Variants in KMT2D observed in about 807,000 individuals in gnomAD.
The protein encoded by KMT2D is histone-lysine N-methyltransferase 2D.
A neutral mutation model predicts 512.7 loss-of-function variants in KMT2D; 55 were observed. That is an observed-to-expected ratio of 0.11 (90% CI 0.09 to 0.13). KMT2D has a LOEUF of 0.13. Ranked by LOEUF, KMT2D falls within the 10% of genes least tolerant of loss-of-function variation. The pLI is 1.00. For missense variants in KMT2D, 6,061 were observed against 7,127.9 expected (o/e 0.85, Z 5.39); for synonymous variants, 2,995 against 2,904.0 (o/e 1.03, Z -1.01).
intron 48 of KMT2D, 120 bp downstream of exon 48, chr12:49,027,683 G>A: frequency 7.7e-7 from 1 of 1,291,822 alleles, no homozygotes; most frequent in South Asian, 1.4e-5. Flanking sequence ...TCAAACTCCT[G>A]GCCTAAAGTG....
At position 49,040,014 on chromosome 12, in the gene KMT2D, T is replaced by G; in HGVS notation, c.7756A>C (p.Asn2586His). The G allele has an allele frequency of 6.2e-7, 1 of 1,613,668 alleles. No individual in the cohort carries two copies. Among genetic ancestry groups the G allele is most frequent in the Non-Finnish European group, 8.5e-7 (1 of 1,179,742 alleles). Residue 2586 changes from asparagine (N) to histidine (H), a missense_variant, in exon 32 of 55, where the codon AAC (asparagine) becomes CAC (histidine). Physicochemically the swap from Asn to His is moderately conservative, Grantham distance 68. This residue lies in a region of KMT2D where 527 missense variants were observed against 578.9 expected (regional missense o/e 0.91). Coordinates refer to ENST00000301067, the MANE Select transcript of KMT2D (RefSeq NM_003482.4). ...AGGGGGCTGCCCGATGGGTGGAAGT[T>G]CCCTGTGGCTACTGTGTAGTTTGTG... is the stretch of plus-strand genomic sequence containing the variant. Reference protein sequence around the residue: ...QSTNYTVATGNFHPSGSPLGP... With the variant: ...QSTNYTVATGHFHPSGSPLGP...
chr12:49,047,748 T>C (rs997931823), intron 15 of KMT2D, among the ~76,000 whole-genome samples: 5 of 152,118 alleles, frequency 3.3e-5, no homozygotes, highest in African/African-American at 4.8e-5. Context: ...ATGGACTGAA[T>C]TATACCAGCA....
intron 10 of KMT2D, 44 bp downstream of exon 10, chr12:49,052,520 G>A: frequency 6.2e-7 from 1 of 1,603,174 alleles, no homozygotes; most frequent in Non-Finnish European, 8.5e-7. Flanking sequence ...TCTTGCCATA[G>A]AATAAAAGGG....
At position 49,048,164 on chromosome 12, in the gene KMT2D, A is replaced by C; in HGVS notation, c.4132-95T>G. 5.0e-6 allele frequency: 4 copies of C among 806,270 alleles called. No homozygotes were observed. In the South Asian group the frequency reaches 5.3e-5, roughly 11 times the overall value. 49.9% of individuals were successfully genotyped at this position (806,270 alleles called of 1,614,324 possible). The stretch of plus-strand genomic sequence containing the variant: ...GACGCTACAACACTGATTTGCGACC[A>C]GAGTCAGGAACCCCATCCCACAGCG... On this transcript the variant is annotated intron_variant, in intron 14 of 54. Coordinates refer to ENST00000301067, the MANE Select transcript of KMT2D (RefSeq NM_003482.4).
In KMT2D at chr12:49,037,299, G is replaced by C. The variant is rs2120476981; in HGVS notation, c.10057C>G (p.Gln3353Glu). ...TGCTGCCCACTTAGCATATGCCCTT[G>C]ATTGGACACCATAGCCATGGATGGA... ...LAPSMAMVSN[Q>E]GHMLSGQHGG... is the part of the protein sequence containing the mutation. Residue 3353 changes from glutamine to glutamate, a missense_variant, in exon 35 of 55, where the codon CAA becomes GAA. By Grantham distance (29) the Gln-to-Glu change is conservative. This residue lies in a region of KMT2D where 533 missense variants were observed against 539.6 expected (regional missense o/e 0.99). Coordinates refer to ENST00000301067, the MANE Select transcript of KMT2D (RefSeq NM_003482.4). 1 of 1,613,532 alleles carries C rather than the reference G, an allele frequency of 6.2e-7. No homozygotes were observed. The highest frequency in any genetic ancestry group is 1.3e-5 in the African/African-American group (1 of 75,072).
chr12:49,048,798 G>C (rs1326772142), intron 13 of KMT2D, 29 bp from the exon 14 acceptor site: 1 of 1,468,660 alleles, frequency 6.8e-7, no homozygotes, highest in African/African-American at 1.4e-5. Flanking sequence ...TGGAAAGTGA[G>C]GCAGATAAAT....
Position 49,026,709 on chromosome 12 carries a change from C to T in KMT2D, c.15257G>A (p.Arg5086Gln), listed in dbSNP as rs775506569. The T allele has an allele frequency of 1.9e-6, 3 of 1,613,868 alleles. No individual in the cohort carries two copies. Among genetic ancestry groups the T allele is most frequent in the Non-Finnish European group, 1.7e-6 (2 of 1,179,906 alleles). The change falls in exon 49 of 55, where the codon CGA (arginine) becomes CAA (glutamine). Residue 5086 changes from arginine (R) to glutamine (Q), a missense_variant. Arg to Gln is a conservative substitution (Grantham distance 43). Coordinates refer to ENST00000301067, the MANE Select transcript of KMT2D (RefSeq NM_003482.4). This position sits in a 1 kb window ranked among gnomAD's most constrained non-coding sequence, Gnocchi z 9.6. ...CAGGGAGCACTTGGTTAGCAGTCCT[C>T]GGTGCAGGGCAACCTCCACATTCAT... is the stretch of plus-strand genomic sequence containing the variant. ...ALMNVEVALH[R>Q]GLLTKCSLCQ...
chr12:49,019,852 A>G lies in KMT2D; in HGVS notation c.*1928T>C, dbSNP rs1481857800. 1.5e-5 allele frequency: 3 copies of G among 198,008 alleles called. No homozygotes were observed. Among genetic ancestry groups the G allele is most frequent in the Non-Finnish European group, 3.1e-5 (3 of 96,590 alleles). The allele number at this position is 198,008 out of a possible 1,614,324, so 12.3% of individuals were successfully genotyped here. On this transcript the variant is annotated 3_prime_UTR_variant, in exon 55 of 55. Coordinates refer to ENST00000301067, the MANE Select transcript of KMT2D (RefSeq NM_003482.4). ...ATCCACAACCCCCCAAATTCAAAAC[A>G]AAACAAAAACAAACCTAAAATCACA...
At chr12:49,043,526 C>A (rs751689541) in intron 24 of KMT2D, 98 bp from the exon 25 acceptor site, 19 of 1,589,118 alleles carry the variant, frequency 1.2e-5, no homozygotes, top group Non-Finnish European at 1.6e-5. Flanking sequence ...GACCCTTGAC[C>A]CCACCCTTGA....
At position 49,038,733 on chromosome 12, in the gene KMT2D, C is replaced by A. The variant is rs1943344198; in HGVS notation, c.8623G>T (p.Ala2875Ser). 1 of 1,608,442 alleles carries A rather than the reference C, an allele frequency of 6.2e-7. No individual in the cohort carries two copies. The highest frequency in any genetic ancestry group is 8.5e-7 in the Non-Finnish European group (1 of 1,177,700). ...GEPVPGPAGP[A>S]QFIELRHNVQ... ...TTGTGCCGCAGCTCAATGAACTGGG[C>A]AGGACCAGCTGGACCAGGCACTGGC... The change falls in exon 35 of 55, where the codon GCC becomes TCC. Residue 2875 changes from alanine to serine, a missense_variant. By Grantham distance (99) the Ala-to-Ser change is moderately conservative (BLOSUM62 1). Around this residue, in one of 16 missense-constraint regions of KMT2D, gnomAD observed 527 missense variants for 578.9 expected, o/e 0.91. Coordinates refer to ENST00000301067, the MANE Select transcript of KMT2D (RefSeq NM_003482.4). This position sits in a 1 kb window ranked among gnomAD's most constrained non-coding sequence, Gnocchi z 5.7.
intron 6 of KMT2D, 25 bp downstream of exon 6, chr12:49,053,953 A>G (rs993372731): frequency 1.9e-6 from 3 of 1,609,274 alleles, no homozygotes; most frequent in Non-Finnish European, 2.5e-6. Context: ...CATTTGCCCT[A>G]TGACCAAAGA....
chr12:49,042,124 T>A lies in KMT2D; in HGVS notation c.6074A>T (p.Asn2025Ile), dbSNP rs746933896. ...TTGCTTGAGATTAGGAAAATTAATG[T>A]TGGCATAGAGCACAGGTGAGATGGT... ...LSTISPVLYANINFPNLKQDY... is the reference protein window; with the variant it reads ...LSTISPVLYAIINFPNLKQDY... The change falls in exon 29 of 55, where the codon AAC becomes ATC. Residue 2025 changes from asparagine (N) to isoleucine (I), a missense_variant. By Grantham distance (149) the Asn-to-Ile change is moderately radical (BLOSUM62 -3). Around this residue, in one of 16 missense-constraint regions of KMT2D, gnomAD observed 640 missense variants for 814.3 expected, o/e 0.79. Transcript: ENST00000301067. This position sits in a 1 kb window ranked among gnomAD's most constrained non-coding sequence, Gnocchi z 4.4. The A allele has an allele frequency of 8.1e-6, 13 of 1,613,638 alleles. No homozygotes were observed. The highest frequency in any genetic ancestry group is 1.1e-5 in the Non-Finnish European group (13 of 1,179,784).
chr12:49,055,017 G>A lies in KMT2D; in HGVS notation c.59C>T (p.Pro20Leu), dbSNP rs963025174. The A allele has an allele frequency of 1.9e-6, 3 of 1,613,846 alleles. No individual in the cohort carries two copies. The Admixed American group carries it at 5.0e-5, about 27-fold the overall frequency. Residue 20 changes from proline to leucine, a missense_variant, in exon 3 of 55, where the codon CCT becomes CTT. By Grantham distance (98) the Pro-to-Leu change is moderately conservative. Around this residue, in one of 16 missense-constraint regions of KMT2D, gnomAD observed 144 missense variants for 165.7 expected, o/e 0.87. Coordinates refer to ENST00000301067, the MANE Select transcript of KMT2D (RefSeq NM_003482.4). The part of the protein sequence containing the change: ...DKDSEPAADG[P>L]AASEDPSATE... ...GGCACTTGGGTCCTCAGAAGCTGCA[G>A]GTCCATCAGCTGAATAAACAGACAA...
At position 49,022,455 on chromosome 12, in the gene KMT2D, G is replaced by C. The variant is rs991534764; in HGVS notation, c.16339-102C>G. ...GACTCAGGCAGTGGGGGCTTTTGTT[G>C]CATGTACTTCATTTCTCCTGCCTTT... is the stretch of plus-strand genomic sequence containing the variant. On this transcript the variant is annotated intron_variant, in intron 52 of 54. Coordinates refer to ENST00000301067, the MANE Select transcript of KMT2D (RefSeq NM_003482.4). The surrounding 1 kb of genome is among the most constrained non-coding windows in gnomAD (Gnocchi z 8.6). The C allele has an allele frequency of 2.7e-6, 4 of 1,487,524 alleles. No homozygotes were observed. The highest frequency in any genetic ancestry group is 1.7e-5 in the Admixed American group (1 of 58,134). 92.1% of individuals were successfully genotyped at this position (1,487,524 alleles called of 1,614,324 possible).
Position 49,040,163 on chromosome 12 carries a change from A to G in KMT2D, c.7607T>C (p.Phe2536Ser), listed in dbSNP as rs199628497. 294 of 1,613,732 alleles carry G rather than the reference A, an allele frequency of 1.8e-4. No individual in the cohort carries two copies. Among genetic ancestry groups the G allele is most frequent in the Non-Finnish European group, 7.0e-5 (83 of 1,179,832 alleles). The change falls in exon 32 of 55, where the codon TTC becomes TCC. Residue 2536 changes from phenylalanine (F) to serine (S), a missense_variant. This residue lies in a region of KMT2D where 710 missense variants were observed against 647.3 expected (regional missense o/e 1.10). Transcript: ENST00000301067. ...CTCCCCTACTGCCTGAGGGAAAGTG[A>G]AACGCATGGGAGAGGGGGTGCCCAC... The part of the protein sequence containing the change: ...AFVGTPSPMR[F>S]TFPQAVGEPS...
intron 19 of KMT2D, 97 bp downstream of exon 19, chr12:49,045,823 C>T: frequency 9.3e-7 from 1 of 1,070,744 alleles, no homozygotes; most frequent in Non-Finnish European, 1.4e-6. Context: ...GAGTTTCCTC[C>T]TCTTAAAATA....
At chr12:49,056,614 GT>G (rs1250408125) in intron 1 of KMT2D, among the ~76,000 whole-genome samples, 1 of 152,178 alleles carries the variant, frequency 6.6e-6, no homozygotes, top group Non-Finnish European at 1.5e-5. Flanking sequence ...TGGTGGTGAG[GT>G]GGGGGAAATC....
chr12:49,032,339 T>C lies in KMT2D; in HGVS notation c.12366A>G (p.Gly4122=), dbSNP rs1339721666. 2 of 1,613,690 alleles carry C rather than the reference T, an allele frequency of 1.2e-6. No homozygotes were observed. Among genetic ancestry groups the C allele is most frequent in the South Asian group, 1.1e-5 (1 of 91,072 alleles). Residue 4122 remains glycine, a synonymous_variant, in exon 40 of 55, where the codon GGA becomes GGG. Coordinates refer to ENST00000301067, the MANE Select transcript of KMT2D (RefSeq NM_003482.4). ...GCACAGATGAGGCCTCAGAAGATGA[T>C]CCACTGCCTAGCTGCCCATGGCTTC... ...GGGSHGQLGS[G]SSSEASSVPH... is the part of the protein sequence containing the mutation.
chr12:49,027,450 TTTC>T (rs1229564056), intron 48 of KMT2D, 128 bp from the exon 49 acceptor site: 27 of 795,018 alleles, frequency 3.4e-5, no homozygotes, highest in Non-Finnish European at 4.7e-5. Flanking sequence ...TCTTTTTTCT[TTTC>T]TTTTCTTTTT....
Sources: gnomAD v4.1 joint callset for allele counts (sites outside exome capture counted in the v4.1 genomes callset) on GRCh38, gnomAD v4.1.1 for gene constraint, gnomAD v4.1.1 regional missense constraint, Gnocchi (gnomAD v3.1) non-coding constraint, MANE v1.5 for transcripts, NCBI Gene and HGNC (gene_info 2026-07-23, HGNC 2026-07-21) for gene names.